STK33: variants seen among roughly 807,000 people sequenced by gnomAD.
STK33 encodes the protein serine/threonine-protein kinase 33.
Under a neutral mutation model 58.0 loss-of-function variants are expected in STK33, and 52 were observed. The ratio of observed to expected loss-of-function variants is 0.90; its 90% confidence interval spans 0.72 to 1.13. The LOEUF is 1.13. Among genes scored for constraint, STK33 ranks in the 50% most tolerant of loss-of-function variants. The probability of loss-of-function intolerance (pLI) is 0.00; values close to 1 mark genes in which losing one functional copy is unlikely to be tolerated. For synonymous variants in STK33, 215 were observed against 200.1 expected (o/e 1.07, Z -0.63); for missense variants, 630 against 604.2 (o/e 1.04, Z -0.45).
intron 2 of STK33, among the ~76,000 whole-genome samples, chr11:8,478,761 C>A (rs1296396267): frequency 2.0e-5 from 3 of 150,876 alleles, no homozygotes; most frequent in South Asian, 4.2e-4. Flanking sequence ...AAAAAAAAAA[C>A]TTACGAATTG....
chr11:8,405,870 C>T (rs1033722783), intron 15 of STK33, among the ~76,000 whole-genome samples: 8 of 152,046 alleles, frequency 5.3e-5, no homozygotes, highest in Non-Finnish European at 1.2e-4. Context: ...GGGCCGGGCG[C>T]GGTGGCTCAC....
At chr11:8,533,927 A>C (rs1038551283) in intron 1 of STK33, among the ~76,000 whole-genome samples, 1 of 152,216 alleles carries the variant, frequency 6.6e-6, no homozygotes, top group Non-Finnish European at 1.5e-5. Flanking sequence ...GGTAACTTCA[A>C]ATTGTATCTA....
chr11:8,356,328 G>A, the STK33 span, among the ~76,000 whole-genome samples: 3 of 152,280 alleles, frequency 2.0e-5, no homozygotes, highest in East Asian at 5.8e-4. Context: ...GACCCAGGTG[G>A]CACTGGGCCT....
At chr11:8,555,669 T>C (rs1219726106) in intron 1 of STK33, among the ~76,000 whole-genome samples, 1 of 151,502 alleles carries the variant, frequency 6.6e-6, no homozygotes, top group Non-Finnish European at 1.5e-5. Flanking sequence ...CATCTTAAAA[T>C]AAAATAAAAA....
At chr11:8,422,507 G>A (rs1942071874) in intron 14 of STK33, among the ~76,000 whole-genome samples, 2 of 152,116 alleles carry the variant, frequency 1.3e-5, no homozygotes, top group Admixed American at 1.3e-4. Flanking sequence ...CTTTTGAGGG[G>A]TAGAAGAAGA....
intron 1 of STK33, among the ~76,000 whole-genome samples, chr11:8,530,599 GA>G (rs1331188709): frequency 6.6e-6 from 1 of 151,960 alleles, no homozygotes; most frequent in East Asian, 1.9e-4. Flanking sequence ...CAAGGAAGAG[GA>G]AAATGTTTCA....
At chr11:8,553,167 AATAT>A (rs56363010) in intron 1 of STK33, among the ~76,000 whole-genome samples, 2,773 of 68,118 alleles carry the variant, frequency 0.041, 108 homozygotes, top group Middle Eastern at 0.067. Context: ...CCAAAAATAA[AATAT>A]ATATATATAT....
At chr11:8,455,440 A>T (rs1946729014) in intron 9 of STK33, among the ~76,000 whole-genome samples, 1 of 152,248 alleles carries the variant, frequency 6.6e-6, no homozygotes, top group Admixed American at 6.5e-5. Context: ...ACATACAAAT[A>T]ACCATGTACC....
intron 11 of STK33, among the ~76,000 whole-genome samples, chr11:8,448,914 A>G (rs1015246587): frequency 2.0e-5 from 3 of 149,012 alleles, no homozygotes; most frequent in Non-Finnish European, 4.4e-5. Context: ...CAGAATCTAC[A>G]ATGAACTCAA....
At chr11:8,500,684 A>G (rs1565205070) in intron 1 of STK33, among the ~76,000 whole-genome samples, 1 of 152,186 alleles carries the variant, frequency 6.6e-6, no homozygotes, top group African/African-American at 2.4e-5. Context: ...TGACAAGATA[A>G]TTGTAAAGTT....
intron 1 of STK33, among the ~76,000 whole-genome samples, chr11:8,543,322 T>C (rs145934086): frequency 1.3e-3 from 204 of 152,350 alleles, no homozygotes; most frequent in African/African-American, 4.7e-3. Context: ...ATTAAAACAT[T>C]ATTATTTTAT....
intron 12 of STK33, 37 bp downstream of exon 12, chr11:8,440,641 C>T (rs780296879): frequency 1.3e-6 from 2 of 1,501,276 alleles, no homozygotes; most frequent in African/African-American, 2.8e-5. Flanking sequence ...AGAAACTATC[C>T]ACTCATCTTA....
chr11:8,355,647 C>T, the STK33 span, among the ~76,000 whole-genome samples: 7 of 152,232 alleles, frequency 4.6e-5, no homozygotes, highest in Non-Finnish European at 1.0e-4. Context: ...CCTCTGGGGC[C>T]AGGTGGACTG....
At chr11:8,514,654 T>A (rs189146017) in intron 1 of STK33, among the ~76,000 whole-genome samples, 11 of 152,192 alleles carry the variant, frequency 7.2e-5, no homozygotes, top group Admixed American at 5.9e-4. Flanking sequence ...TTCTCTAAAA[T>A]TGAGTTGACG....
At chr11:8,532,972 C>G (rs964044287) in intron 1 of STK33, among the ~76,000 whole-genome samples, 3 of 152,120 alleles carry the variant, frequency 2.0e-5, no homozygotes, top group Admixed American at 6.5e-5. Context: ...AAAATAAAAC[C>G]ATTTTGTGAT....
At chr11:8,590,693 ATTTAT>A (rs2032459037) in intron 1 of STK33, among the ~76,000 whole-genome samples, 3 of 152,202 alleles carry the variant, frequency 2.0e-5, no homozygotes, top group South Asian at 4.1e-4. Context: ...TGCACTTACA[ATTTAT>A]TTTAGTTAAT....
chr11:8,572,367 A>T (rs1404441710), intron 1 of STK33, among the ~76,000 whole-genome samples: 1 of 152,210 alleles, frequency 6.6e-6, no homozygotes, highest in African/African-American at 2.4e-5. Flanking sequence ...CAAGCAACTT[A>T]ACTGCATGCC....
At chr11:8,564,194 C>A (rs1447292891) in intron 1 of STK33, among the ~76,000 whole-genome samples, 1 of 152,174 alleles carries the variant, frequency 6.6e-6, no homozygotes, top group Non-Finnish European at 1.5e-5. Context: ...TGGATGCTAA[C>A]AGGTGGAAGT....
intron 14 of STK33, among the ~76,000 whole-genome samples, chr11:8,434,813 C>T (rs1209325670): frequency 3.9e-5 from 6 of 152,170 alleles, no homozygotes; most frequent in East Asian, 1.9e-4. Context: ...CTGACCATCA[C>T]GATAACTAGC....
Sources: allele counts gnomAD v4.1 joint callset (sites outside exome capture counted in the v4.1 genomes callset), GRCh38; gene constraint gnomAD v4.1.1; transcripts MANE v1.5; gene names NCBI Gene and HGNC (gene_info 2026-07-23, HGNC 2026-07-21).